Variants in IREB2 observed in about 807,000 individuals in gnomAD.
IREB2 encodes the protein iron-responsive element-binding protein 2.
A neutral mutation model predicts 118.8 loss-of-function variants in IREB2; 39 were observed. That is an observed-to-expected ratio of 0.33 (90% CI 0.25 to 0.43). IREB2 has a LOEUF of 0.43. Ranked by LOEUF, IREB2 falls within the 20% of genes least tolerant of loss-of-function variation. The pLI is 1.00. For synonymous variants in IREB2, 372 were observed against 392.2 expected (o/e 0.95, Z 0.61); for missense variants, 900 against 1,147.3 (o/e 0.78, Z 3.11).
At chr15:78,443,871 C>T (rs541137906) in intron 2 of IREB2, among the ~76,000 whole-genome samples, 5 of 152,148 alleles carry the variant, frequency 3.3e-5, no homozygotes, top group East Asian at 3.9e-4. Flanking sequence ...GTCTCAAACT[C>T]CTGACCTCAA....
chr15:78,447,840 C>T (rs141012144), intron 2 of IREB2, among the ~76,000 whole-genome samples: 9 of 152,288 alleles, frequency 5.9e-5, no homozygotes, highest in African/African-American at 2.2e-4. Flanking sequence ...TATCACAGAA[C>T]GAGGCTGAGG....
intron 10 of IREB2, among the ~76,000 whole-genome samples, chr15:78,479,662 A>G (rs575253457): frequency 6.6e-6 from 1 of 152,294 alleles, no homozygotes; most frequent in African/African-American, 2.4e-5. Context: ...TGTTATCTGC[A>G]TCTGGTTTAC....
At chr15:78,473,167 C>T in intron 7 of IREB2, 75 bp from the exon 8 acceptor site, 4 of 1,396,008 alleles carry the variant, frequency 2.9e-6, no homozygotes, top group Admixed American at 1.8e-5. Flanking sequence ...CATGAAACAC[C>T]TAGAGATTCA....
At chr15:78,470,389 C>T in intron 5 of IREB2, 143 bp from the exon 6 acceptor site, 1 of 499,474 alleles carries the variant, frequency 2.0e-6, no homozygotes. Flanking sequence ...GAAAATAATT[C>T]TGAGAAACCT....
intron 7 of IREB2, 76 bp downstream of exon 7, chr15:78,472,000 T>C: frequency 3.3e-6 from 4 of 1,208,458 alleles, no homozygotes; most frequent in Non-Finnish European, 4.6e-6. Context: ...ACATAAATTA[T>C]TGAGTTTGTA....
chr15:78,464,025 T>TA (rs1429394586), intron 3 of IREB2, among the ~76,000 whole-genome samples: 1 of 152,248 alleles, frequency 6.6e-6, no homozygotes, highest in Non-Finnish European at 1.5e-5. Flanking sequence ...CTGTCAGTGC[T>TA]ACCTTTTAAA....
chr15:78,445,829 G>A (rs1567161911), intron 2 of IREB2, among the ~76,000 whole-genome samples: 1 of 152,148 alleles, frequency 6.6e-6, no homozygotes, highest in Non-Finnish European at 1.5e-5. Context: ...CTGTTGCCCA[G>A]GCTGGAGTGT....
chr15:78,500,298 C>T lies in IREB2; in HGVS notation c.*2155C>T, dbSNP rs187281661. 1 of 152,070 alleles carries T rather than the reference C, an allele frequency of 6.6e-6. No homozygotes were observed. Among genetic ancestry groups the T allele is most frequent in the Admixed American group, 6.5e-5 (1 of 15,272 alleles). 9.4% of individuals were successfully genotyped at this position (152,070 alleles called of 1,614,324 possible). ...CTACCTGGTCCAGTAATAATACAAG[C>T]AAATCTTGTATTTCAGGAACAAATC... On this transcript the variant is annotated 3_prime_UTR_variant, in exon 22 of 22. Coordinates refer to ENST00000258886, the MANE Select transcript of IREB2 (RefSeq NM_004136.4).
At chr15:78,459,495 G>T (rs2051162042) in intron 2 of IREB2, among the ~76,000 whole-genome samples, 1 of 152,096 alleles carries the variant, frequency 6.6e-6, no homozygotes, top group African/African-American at 2.4e-5. Context: ...GATTACAGGT[G>T]CATGCCACCA....
chr15:78,483,468 C>A (rs752262141), intron 11 of IREB2, 34 bp downstream of exon 11: 5 of 1,171,516 alleles, frequency 4.3e-6, no homozygotes, highest in Non-Finnish European at 6.4e-6. Flanking sequence ...TGTTTTTCAA[C>A]CCGCTTTGTG....
At chr15:78,463,564 T>C (rs2051233020) in intron 3 of IREB2, among the ~76,000 whole-genome samples, 1 of 152,246 alleles carries the variant, frequency 6.6e-6, no homozygotes. Flanking sequence ...TTGCCCTTTC[T>C]AAACTGAAGC....
intron 13 of IREB2, 152 bp downstream of exon 13, chr15:78,485,992 T>G: frequency 4.5e-6 from 3 of 664,246 alleles, no homozygotes; most frequent in Non-Finnish European, 7.6e-6. Flanking sequence ...TTTTGATGCC[T>G]TATCACTCAG....
chr15:78,452,639 A>C (rs1372932696), intron 2 of IREB2, among the ~76,000 whole-genome samples: 1 of 152,048 alleles, frequency 6.6e-6, no homozygotes. Flanking sequence ...TGGCATGGTG[A>C]CCCACACCTG....
intron 8 of IREB2, chr15:78,474,104 C>T (rs982735284): frequency 3.9e-5 from 6 of 152,188 alleles, no homozygotes; most frequent in Non-Finnish European, 7.3e-5. Context: ...CACAGGCTCA[C>T]GGATTTCCTA....
intron 13 of IREB2, among the ~76,000 whole-genome samples, chr15:78,487,360 A>G (rs746481262): frequency 6.6e-6 from 1 of 152,204 alleles, no homozygotes; most frequent in Non-Finnish European, 1.5e-5. Flanking sequence ...AGTGCTATTA[A>G]GGCTCTTCAA....
At chr15:78,452,035 G>A (rs2051034692) in intron 2 of IREB2, among the ~76,000 whole-genome samples, 1 of 152,190 alleles carries the variant, frequency 6.6e-6, no homozygotes, top group South Asian at 2.1e-4. Flanking sequence ...GTCCTGCTAA[G>A]GCATCAGCAG....
At chr15:78,473,417 A>AGG (rs1375893567) in intron 8 of IREB2, 36 bp downstream of exon 8, 2 of 1,571,784 alleles carry the variant, frequency 1.3e-6, no homozygotes, top group African/African-American at 2.7e-5. Context: ...TGACTTACTG[A>AGG]ACATTATTTT....
intron 5 of IREB2, among the ~76,000 whole-genome samples, chr15:78,467,732 A>C (rs1187392036): frequency 6.6e-6 from 1 of 152,166 alleles, no homozygotes; most frequent in Admixed American, 6.5e-5. Flanking sequence ...TATGTACTAT[A>C]AAGTTTCCAA....
chr15:78,460,276 T>C (rs1442222668), intron 2 of IREB2, among the ~76,000 whole-genome samples: 3 of 152,236 alleles, frequency 2.0e-5, no homozygotes, highest in African/African-American at 7.2e-5. Flanking sequence ...AATTCTTCTA[T>C]AACAAAGTAC....
Sources: allele counts gnomAD v4.1 joint callset (sites outside exome capture counted in the v4.1 genomes callset), GRCh38; gene constraint gnomAD v4.1.1; transcripts MANE v1.5; gene names NCBI Gene and HGNC (gene_info 2026-07-23, HGNC 2026-07-21).